SAMTOR: variants seen among roughly 807,000 people sequenced by gnomAD.
SAMTOR encodes the protein UPF0532 protein C7orf60.
the SAMTOR span, among the ~76,000 whole-genome samples, chr7:112,844,365 T>A: frequency 6.6e-6 from 1 of 152,140 alleles, no homozygotes; most frequent in Non-Finnish European, 1.5e-5. Flanking sequence ...ATGATGATCC[T>A]GTATTTAGAA....
chr7:112,936,234 A>G, the SAMTOR span, among the ~76,000 whole-genome samples: 3 of 152,186 alleles, frequency 2.0e-5, no homozygotes, highest in Non-Finnish European at 4.4e-5. Context: ...TCTCTTAACT[A>G]TCAATGGCAG....
At chr7:112,925,122 G>A in the SAMTOR span, among the ~76,000 whole-genome samples, 1 of 152,152 alleles carries the variant, frequency 6.6e-6, no homozygotes. Context: ...TTCAGATGTA[G>A]TTATTTATCA....
At chr7:112,891,009 T>C in the SAMTOR span, among the ~76,000 whole-genome samples, 1 of 152,146 alleles carries the variant, frequency 6.6e-6, no homozygotes, top group East Asian at 1.9e-4. Flanking sequence ...TTTAACAAAT[T>C]TAAGGAAATC....
the SAMTOR span, among the ~76,000 whole-genome samples, chr7:112,902,416 C>CAAAAAA: frequency 0.011 from 134 of 12,260 alleles, 15 homozygotes; most frequent in East Asian, 0.041. Context: ...AACTCCGTCT[C>CAAAAAA]AAAAAAAAAA....
chr7:112,911,129 T>C, the SAMTOR span, among the ~76,000 whole-genome samples: 209 of 152,208 alleles, frequency 1.4e-3, no homozygotes, highest in African/African-American at 1.4e-3. Flanking sequence ...GTGTGACAGA[T>C]TGATATCTTT....
At chr7:112,866,341 A>C in the SAMTOR span, among the ~76,000 whole-genome samples, 1 of 152,362 alleles carries the variant, frequency 6.6e-6, no homozygotes, top group African/African-American at 2.4e-5. Flanking sequence ...ACAGTTGCTC[A>C]ATACCAGGAA....
chr7:112,936,585 C>G, the SAMTOR span, among the ~76,000 whole-genome samples: 1 of 152,002 alleles, frequency 6.6e-6, no homozygotes, highest in African/African-American at 2.4e-5. Flanking sequence ...CTTATCACAG[C>G]AAAAAAGAAC....
the SAMTOR span, among the ~76,000 whole-genome samples, chr7:112,910,977 G>A: frequency 6.6e-6 from 1 of 152,126 alleles, no homozygotes; most frequent in East Asian, 1.9e-4. Context: ...ACAAGCACAA[G>A]TCCTTCCAAA....
chr7:112,886,213 A>G, the SAMTOR span, among the ~76,000 whole-genome samples: 1 of 152,198 alleles, frequency 6.6e-6, no homozygotes, highest in Non-Finnish European at 1.5e-5. Context: ...CTACAATATA[A>G]GATGACATTT....
chr7:112,890,647 T>C, the SAMTOR span, among the ~76,000 whole-genome samples: 2 of 150,466 alleles, frequency 1.3e-5, no homozygotes, highest in Non-Finnish European at 3.0e-5. Context: ...AATATATATA[T>C]ATTATAAAAA....
At chr7:112,915,525 A>C in the SAMTOR span, 9 of 1,177,560 alleles carry the variant, frequency 7.6e-6, no homozygotes, top group Non-Finnish European at 1.0e-5. Context: ...GCACAATCTG[A>C]AATTATTTAA....
the SAMTOR span, among the ~76,000 whole-genome samples, chr7:112,874,364 A>G: frequency 6.6e-6 from 1 of 152,174 alleles, no homozygotes; most frequent in African/African-American, 2.4e-5. Flanking sequence ...AGCCATAAAA[A>G]AGAAGAAAAT....
the SAMTOR span, among the ~76,000 whole-genome samples, chr7:112,925,089 T>C: frequency 0.011 from 1,625 of 152,332 alleles, 31 homozygotes; most frequent in African/African-American, 0.037. Flanking sequence ...ACACTACTGC[T>C]TTCCTCAGTT....
chr7:112,865,602 T>C, the SAMTOR span, among the ~76,000 whole-genome samples: 4 of 147,510 alleles, frequency 2.7e-5, no homozygotes, highest in African/African-American at 9.9e-5. Flanking sequence ...TATATATATA[T>C]TTCATATATA....
the SAMTOR span, among the ~76,000 whole-genome samples, chr7:112,871,026 A>G: frequency 3.3e-5 from 5 of 152,234 alleles, no homozygotes; most frequent in Non-Finnish European, 7.3e-5. Flanking sequence ...ATGCAGATTC[A>G]TAAAATAATT....
chr7:112,866,278 T>C, the SAMTOR span, among the ~76,000 whole-genome samples: 1 of 152,206 alleles, frequency 6.6e-6, no homozygotes, highest in East Asian at 1.9e-4. Flanking sequence ...GGACTGTAAT[T>C]TAAAAAACAA....
the SAMTOR span, among the ~76,000 whole-genome samples, chr7:112,880,294 T>C: frequency 6.6e-6 from 1 of 152,174 alleles, no homozygotes; most frequent in Non-Finnish European, 1.5e-5. Flanking sequence ...AATGTAGAGC[T>C]TTAGGGTTTT....
the SAMTOR span, among the ~76,000 whole-genome samples, chr7:112,889,816 C>A: frequency 3.5e-4 from 53 of 152,282 alleles, no homozygotes; most frequent in African/African-American, 1.3e-3. Flanking sequence ...CCACCCCCAA[C>A]CCCTGCTTAG....
the SAMTOR span, among the ~76,000 whole-genome samples, chr7:112,902,517 G>C: frequency 6.6e-6 from 1 of 150,786 alleles, no homozygotes; most frequent in Non-Finnish European, 1.5e-5. Context: ...GATTTTTAGG[G>C]CAGTTAAACT....
Sources: allele counts gnomAD v4.1 joint callset (sites outside exome capture counted in the v4.1 genomes callset), GRCh38; gene constraint gnomAD v4.1.1; transcripts MANE v1.5; gene names NCBI Gene and HGNC (gene_info 2026-07-23, HGNC 2026-07-21).